Variants in TSHR observed in about 807,000 individuals in gnomAD.
The protein encoded by TSHR is thyrotropin receptor.
TSHR carries 51 observed loss-of-function variants against 64.1 expected under a neutral mutation model. The observed-to-expected ratio is 0.80, with a 90% CI of 0.64 to 1.01. The LOEUF (loss-of-function observed/expected upper bound fraction) is 1.01, where lower values mean the gene tolerates loss of function less well. Ranked by LOEUF, TSHR falls within the 50% of genes least tolerant of loss-of-function variation. TSHR has a pLI of 0.00. For missense variants in TSHR, 877 were observed against 942.8 expected, an observed-to-expected ratio of 0.93 and a Z score of 0.91; for synonymous variants, 361 against 361.9, an observed-to-expected ratio of 1.00 and a Z score of 0.03.
intron 1 of TSHR, among the ~76,000 whole-genome samples, chr14:80,997,003 T>TACC (rs1162937588): frequency 6.6e-6 from 1 of 152,156 alleles, no homozygotes; most frequent in African/African-American, 2.4e-5. Flanking sequence ...CTACTACTAC[T>TACC]ACCACCACCA....
At chr14:81,080,186 T>C (rs1407521885) in intron 3 of TSHR, among the ~76,000 whole-genome samples, 1 of 152,094 alleles carries the variant, frequency 6.6e-6, no homozygotes, top group Non-Finnish European at 1.5e-5. Flanking sequence ...TCTCTTGACC[T>C]CGTGATCCTC....
chr14:81,118,442 T>C (rs1165299856), intron 8 of TSHR, among the ~76,000 whole-genome samples: 4 of 139,252 alleles, frequency 2.9e-5, no homozygotes, highest in African/African-American at 1.1e-4. Flanking sequence ...TCAAAGAGAA[T>C]AAAATACCTA....
At chr14:81,086,988 G>C (rs1888330134) in intron 3 of TSHR, among the ~76,000 whole-genome samples, 1 of 152,246 alleles carries the variant, frequency 6.6e-6, no homozygotes, top group Non-Finnish European at 1.5e-5. Context: ...GTTCTAACCT[G>C]TGATGATGGT....
intron 1 of TSHR, among the ~76,000 whole-genome samples, chr14:81,019,829 TGC>T (rs1883643686): frequency 6.6e-6 from 1 of 152,224 alleles, no homozygotes; most frequent in Admixed American, 6.5e-5. Flanking sequence ...ATAGTGTATG[TGC>T]GCCACATTTT....
chr14:81,091,267 G>T (rs1888713794), intron 5 of TSHR, 124 bp downstream of exon 5: 1 of 864,174 alleles, frequency 1.2e-6, no homozygotes, highest in African/African-American at 1.6e-5. Flanking sequence ...GCAATGATCA[G>T]GTGTGACTAC....
chr14:81,138,246 A>G (rs1041436576), intron 8 of TSHR, among the ~76,000 whole-genome samples: 2 of 148,500 alleles, frequency 1.3e-5, no homozygotes, highest in African/African-American at 5.0e-5. Flanking sequence ...GCTGGAGTAC[A>G]ATGGCGTGGT....
intron 1 of TSHR, among the ~76,000 whole-genome samples, chr14:80,975,304 C>G (rs1472102588): frequency 2.0e-5 from 3 of 152,180 alleles, no homozygotes; most frequent in African/African-American, 7.2e-5. Context: ...AATCTACACC[C>G]ATCCTTTTCT....
At chr14:81,020,918 G>A (rs778128553) in intron 1 of TSHR, among the ~76,000 whole-genome samples, 2 of 151,942 alleles carry the variant, frequency 1.3e-5, no homozygotes, top group Non-Finnish European at 2.9e-5. Flanking sequence ...GTTTTCTGCA[G>A]TGACAGCAAC....
intron 1 of TSHR, among the ~76,000 whole-genome samples, chr14:81,041,004 A>G (rs1884893915): frequency 6.6e-6 from 1 of 151,994 alleles, no homozygotes; most frequent in African/African-American, 2.4e-5. Flanking sequence ...ATTAAAAAGT[A>G]AAAAAATAAC....
At chr14:81,008,833 T>C (rs925089832) in intron 1 of TSHR, among the ~76,000 whole-genome samples, 3 of 152,220 alleles carry the variant, frequency 2.0e-5, no homozygotes, top group Non-Finnish European at 4.4e-5. Context: ...TTTGTTGTTC[T>C]TTAACAGGAT....
intron 1 of TSHR, chr14:80,983,136 C>A: frequency 1.3e-6 from 1 of 798,498 alleles, no homozygotes; most frequent in Non-Finnish European, 2.0e-6. Flanking sequence ...GAGAAAATTA[C>A]TAATTTTCTT....
At chr14:80,961,965 A>T (rs1287456944) in intron 1 of TSHR, among the ~76,000 whole-genome samples, 1 of 152,182 alleles carries the variant, frequency 6.6e-6, no homozygotes, top group African/African-American at 2.4e-5. Context: ...AACATCTATT[A>T]TATTAAACTT....
chr14:81,027,220 G>A (rs893364341), intron 1 of TSHR, among the ~76,000 whole-genome samples: 1 of 151,786 alleles, frequency 6.6e-6, no homozygotes, highest in African/African-American at 2.4e-5. Flanking sequence ...ACAACACATT[G>A]GATTTTTATT....
chr14:81,127,366 G>A (rs1298084052), intron 8 of TSHR, among the ~76,000 whole-genome samples: 1 of 152,052 alleles, frequency 6.6e-6, no homozygotes, highest in African/African-American at 2.4e-5. Context: ...AAAAAAAGTG[G>A]ACCTTTTATC....
intron 1 of TSHR, among the ~76,000 whole-genome samples, chr14:80,988,001 A>C (rs750215209): frequency 3.3e-5 from 5 of 152,168 alleles, no homozygotes; most frequent in Non-Finnish European, 5.9e-5. Context: ...ACAACTTAAA[A>C]ATACTGTTTC....
At chr14:81,036,516 A>G (rs945342883) in intron 1 of TSHR, among the ~76,000 whole-genome samples, 12 of 152,198 alleles carry the variant, frequency 7.9e-5, no homozygotes, top group African/African-American at 2.9e-4. Context: ...TACTTCAGAA[A>G]TGAAGGAGAA....
At chr14:81,068,708 A>G (rs111699369) in intron 3 of TSHR, among the ~76,000 whole-genome samples, 6 of 152,308 alleles carry the variant, frequency 3.9e-5, no homozygotes, top group African/African-American at 1.4e-4. Flanking sequence ...GAAAGAGAAG[A>G]GTTGCTTGGT....
chr14:81,081,132 T>C (rs1887873069), intron 3 of TSHR, among the ~76,000 whole-genome samples: 1 of 152,118 alleles, frequency 6.6e-6, no homozygotes. Flanking sequence ...ACTATGACCC[T>C]GCCTGTGAAT....
intron 8 of TSHR, among the ~76,000 whole-genome samples, chr14:81,114,131 GA>G (rs11454893): frequency 1.1e-4 from 15 of 142,658 alleles, no homozygotes; most frequent in South Asian, 4.4e-4. Context: ...CCAAGGAAAA[GA>G]AAAAAAAAAA....
Sources: allele counts gnomAD v4.1 joint callset (sites outside exome capture counted in the v4.1 genomes callset), GRCh38; gene constraint gnomAD v4.1.1; transcripts MANE v1.5; gene names NCBI Gene and HGNC (gene_info 2026-07-23, HGNC 2026-07-21).